CACNB4: variants seen among roughly 807,000 people sequenced by gnomAD.
CACNB4 encodes the protein calcium voltage-gated channel auxiliary subunit beta 4, also known as voltage-dependent L-type calcium channel subunit beta-4.
CACNB4 carries 32 observed loss-of-function variants against 71.2 expected under a neutral mutation model. The observed-to-expected ratio is 0.45, with a 90% CI of 0.34 to 0.60. CACNB4 has a LOEUF of 0.60. Among genes scored for constraint, CACNB4 ranks in the 20% least tolerant of loss-of-function variants. The probability of loss-of-function intolerance (pLI) is 0.01; values close to 1 mark genes in which losing one functional copy is unlikely to be tolerated. For synonymous variants in CACNB4, 231 were observed against 236.9 expected (o/e 0.97, Z 0.23); for missense variants, 464 against 647.9 (o/e 0.72, Z 3.08).
At chr2:152,021,833 C>T (rs1050361201) in intron 2 of CACNB4, among the ~76,000 whole-genome samples, 1 of 152,166 alleles carries the variant, frequency 6.6e-6, no homozygotes, top group Non-Finnish European at 1.5e-5. Context: ...ACTCTCACAT[C>T]TAACTCTTAA....
chr2:152,006,562 G>A (rs1276474805), intron 2 of CACNB4, among the ~76,000 whole-genome samples: 1 of 151,882 alleles, frequency 6.6e-6, no homozygotes, highest in Non-Finnish European at 1.5e-5. Context: ...CACCACATCT[G>A]GCTAATTTTT....
chr2:152,069,075 C>A (rs1365551386), intron 2 of CACNB4, among the ~76,000 whole-genome samples: 3 of 152,204 alleles, frequency 2.0e-5, no homozygotes, highest in Admixed American at 6.5e-5. Flanking sequence ...TGAGGCTACT[C>A]TCAGTCAATG....
At chr2:152,092,405 C>G (rs539286000) in intron 2 of CACNB4, among the ~76,000 whole-genome samples, 1 of 152,260 alleles carries the variant, frequency 6.6e-6, no homozygotes, top group Admixed American at 6.5e-5. Flanking sequence ...TTGTTTTATT[C>G]TAGTATCAAC....
chr2:151,944,818 A>G (rs1415804877), intron 2 of CACNB4, among the ~76,000 whole-genome samples: 1 of 152,214 alleles, frequency 6.6e-6, no homozygotes, highest in Admixed American at 6.5e-5. Context: ...AACTGAAGAC[A>G]GTTCTAGCAG....
At chr2:152,091,039 A>G (rs13426474) in intron 2 of CACNB4, among the ~76,000 whole-genome samples, 32,330 of 150,516 alleles carry the variant, frequency 0.21, 3,652 homozygotes, top group Admixed American at 0.3. Flanking sequence ...GTGTGACTCC[A>G]TCTCAAAAAA....
At chr2:152,016,786 A>G (rs1459056307) in intron 2 of CACNB4, among the ~76,000 whole-genome samples, 1 of 152,248 alleles carries the variant, frequency 6.6e-6, no homozygotes, top group Non-Finnish European at 1.5e-5. Flanking sequence ...CACAAAATAT[A>G]TGGTACAGCC....
intron 2 of CACNB4, among the ~76,000 whole-genome samples, chr2:151,891,465 A>G (rs1249917481): frequency 6.6e-6 from 1 of 152,246 alleles, no homozygotes; most frequent in Non-Finnish European, 1.5e-5. Context: ...TGTTAGGTTG[A>G]ATCATGAAAT....
intron 2 of CACNB4, among the ~76,000 whole-genome samples, chr2:152,037,794 A>G (rs1053019177): frequency 3.9e-5 from 6 of 152,194 alleles, no homozygotes; most frequent in African/African-American, 1.4e-4. Flanking sequence ...TTCTTCTCCC[A>G]TTTGGTCAAA....
intron 2 of CACNB4, among the ~76,000 whole-genome samples, chr2:152,046,178 G>A (rs778860606): frequency 2.1e-4 from 32 of 152,184 alleles, no homozygotes; most frequent in Non-Finnish European, 4.1e-4. Context: ...TTATATAACA[G>A]TATATTTTTA....
chr2:151,992,016 T>C (rs1681734318), intron 2 of CACNB4, among the ~76,000 whole-genome samples: 1 of 152,190 alleles, frequency 6.6e-6, no homozygotes, highest in Non-Finnish European at 1.5e-5. Context: ...GAGAGTAAAA[T>C]GCTCTCCAGA....
At chr2:151,936,354 C>G (rs1259813616) in intron 2 of CACNB4, 1 of 152,218 alleles carries the variant, frequency 6.6e-6, no homozygotes, top group African/African-American at 2.4e-5. Context: ...CAGGAACATT[C>G]AGAGATCATA....
intron 2 of CACNB4, among the ~76,000 whole-genome samples, chr2:152,054,039 T>C (rs566232872): frequency 6.6e-6 from 1 of 152,180 alleles, no homozygotes; most frequent in South Asian, 2.1e-4. Flanking sequence ...GCTGGAGGAT[T>C]GTTTGGTGTG....
At chr2:152,079,777 T>A (rs1687254218) in intron 2 of CACNB4, among the ~76,000 whole-genome samples, 2 of 151,982 alleles carry the variant, frequency 1.3e-5, no homozygotes, top group Admixed American at 6.6e-5. Context: ...CAGAGCGATA[T>A]CCTGTCTCAA....
intron 2 of CACNB4, among the ~76,000 whole-genome samples, chr2:152,052,108 T>C (rs1314098787): frequency 1.3e-5 from 2 of 151,948 alleles, no homozygotes; most frequent in Non-Finnish European, 1.5e-5. Context: ...TAAATTGAAA[T>C]TGCATTTAAC....
At chr2:151,853,738 C>T (rs1290978967) in intron 11 of CACNB4, 195 bp from the exon 12 acceptor site, 1 of 462,850 alleles carries the variant, frequency 2.2e-6, no homozygotes, top group Non-Finnish European at 3.8e-6. Context: ...TTGATATGTT[C>T]ATCCTATTCT....
intron 2 of CACNB4, among the ~76,000 whole-genome samples, chr2:151,995,267 C>G (rs1681977635): frequency 6.8e-6 from 1 of 148,118 alleles, no homozygotes; most frequent in Non-Finnish European, 1.5e-5. Flanking sequence ...AAAACACTCC[C>G]AGGCCATAAC....
intron 2 of CACNB4, among the ~76,000 whole-genome samples, chr2:151,926,912 T>C (rs1291233139): frequency 6.6e-6 from 1 of 152,244 alleles, no homozygotes; most frequent in Non-Finnish European, 1.5e-5. Context: ...TTTGGGTGTC[T>C]AACTCTCTAA....
At chr2:151,924,851 G>T (rs1404377471) in intron 2 of CACNB4, among the ~76,000 whole-genome samples, 2 of 152,066 alleles carry the variant, frequency 1.3e-5, no homozygotes, top group Admixed American at 1.3e-4. Context: ...CACGGTTGAG[G>T]TGTGGTAAGG....
intron 12 of CACNB4, chr2:151,853,006 A>G (rs1381271505): frequency 1.9e-5 from 3 of 154,330 alleles, no homozygotes; most frequent in African/African-American, 7.2e-5. Context: ...TTCATCTACT[A>G]TAACCACAGG....
Sources: allele counts gnomAD v4.1 joint callset (sites outside exome capture counted in the v4.1 genomes callset), GRCh38; gene constraint gnomAD v4.1.1; transcripts MANE v1.5; gene names NCBI Gene and HGNC (gene_info 2026-07-23, HGNC 2026-07-21).